ZNF398: variants seen among roughly 807,000 people sequenced by gnomAD.
The protein encoded by ZNF398 is zinc finger protein 398.
A neutral mutation model predicts 41.9 loss-of-function variants in ZNF398; 18 were observed. That is an observed-to-expected ratio of 0.43 (90% confidence interval 0.30 to 0.64). The LOEUF (loss-of-function observed/expected upper bound fraction) is 0.64. Among genes scored for constraint, ZNF398 ranks in the 30% least tolerant of loss-of-function variants. The probability of loss-of-function intolerance (pLI) is 0.14; values close to 1 mark genes in which losing one functional copy is unlikely to be tolerated. For missense variants in ZNF398, 669 were observed against 822.8 expected (o/e 0.81, Z 2.29); for synonymous variants, 260 against 308.8 (o/e 0.84, Z 1.66).
intron 2 of ZNF398, among the ~76,000 whole-genome samples, chr7:149,129,632 G>A (rs1288575172): frequency 2.0e-5 from 3 of 151,996 alleles, no homozygotes; most frequent in Admixed American, 2.0e-4. Context: ...CACCCACCTC[G>A]GCCTCCCAAA....
intron 4 of ZNF398, among the ~76,000 whole-genome samples, chr7:149,171,965 G>A (rs1354055790): frequency 2.0e-5 from 3 of 152,168 alleles, no homozygotes; most frequent in Non-Finnish European, 2.9e-5. Flanking sequence ...CACCATGCTC[G>A]ACAGTGGCCT....
rs1052458759 is a variant in ZNF398, at chr7:149,178,890, G to A, written c.1018G>A (p.Glu340Lys). ...CTATCCCCTCCCACCTCCAGTTGGCGAGCAGGTGTTCTCATGCCACCACTG... is the reference window on the plus strand; with the variant it reads ...CTATCCCCTCCCACCTCCAGTTGGCAAGCAGGTGTTCTCATGCCACCACTG... ...GSYPLPPPVG[E>K]QVFSCHHCGK... Residue 340 changes from glutamate to lysine, a missense_variant, in exon 6 of 6, where the codon GAG becomes AAG. By Grantham distance (56) the Glu-to-Lys change is moderately conservative (BLOSUM62 1). Coordinates refer to ENST00000475153, the MANE Select transcript of ZNF398 (RefSeq NM_170686.3). The A allele has an allele frequency of 6.2e-6, 10 of 1,614,098 alleles. No individual in the cohort carries two copies. The highest frequency in any genetic ancestry group is 4.4e-5 in the South Asian group (4 of 91,080).
At chr7:149,171,311 T>C (rs1795338441) in intron 4 of ZNF398, among the ~76,000 whole-genome samples, 1 of 152,042 alleles carries the variant, frequency 6.6e-6, no homozygotes, top group African/African-American at 2.4e-5. Flanking sequence ...ATTGTACATA[T>C]ATACAAAAAT....
intron 2 of ZNF398, among the ~76,000 whole-genome samples, chr7:149,140,329 A>C (rs1234300570): frequency 6.6e-6 from 1 of 152,146 alleles, no homozygotes; most frequent in African/African-American, 2.4e-5. Flanking sequence ...AACATTAGAC[A>C]TAATAATTCT....
intron 4 of ZNF398, among the ~76,000 whole-genome samples, chr7:149,174,838 AC>A (rs1795428248): frequency 6.6e-6 from 1 of 152,134 alleles, no homozygotes; most frequent in Non-Finnish European, 1.5e-5. Flanking sequence ...AAACAAACAA[AC>A]AAACAAAAGT....
chr7:149,169,703 C>T (rs963203584), intron 4 of ZNF398, among the ~76,000 whole-genome samples: 33 of 152,084 alleles, frequency 2.2e-4, no homozygotes, highest in African/African-American at 6.0e-4. Flanking sequence ...TCACCTGCTT[C>T]GGCCTTCCAA....
intron 2 of ZNF398, among the ~76,000 whole-genome samples, chr7:149,155,707 A>ATTTTTTTTTTTTTTTTTTT (rs1359986695): frequency 2.7e-5 from 2 of 73,578 alleles, no homozygotes; most frequent in African/African-American, 1.4e-4. Context: ...ATATATATAT[A>ATTTTTTTTTTTTTTTTTTT]TTTTTTTTTT....
rs375761766 is a variant in ZNF398 at position 149,166,265 on chromosome 7, C to T, written c.528C>T (p.Tyr176=). The part of the protein sequence containing the change: ...ELYKNIMKGN[Y]ESLISMDYAI... Reference sequence around the variant, plus strand: ...ACAAGAATATCATGAAGGGCAACTACGAGTCTCTCATCTCCATGGGTGAGG... The same window carrying T: ...ACAAGAATATCATGAAGGGCAACTATGAGTCTCTCATCTCCATGGGTGAGG... The change falls in exon 3 of 6, where the codon TAC becomes TAT. Residue 176 remains tyrosine, a synonymous_variant. Coordinates refer to ENST00000475153, the MANE Select transcript of ZNF398 (RefSeq NM_170686.3). 13 of 1,614,064 alleles carry T rather than the reference C, an allele frequency of 8.1e-6. No individual in the cohort carries two copies. The highest frequency in any genetic ancestry group is 6.7e-5 in the East Asian group (3 of 44,872).
intron 5 of ZNF398, among the ~76,000 whole-genome samples, chr7:149,177,935 C>T (rs1795495307): frequency 6.7e-6 from 1 of 150,060 alleles, no homozygotes; most frequent in African/African-American, 2.5e-5. Flanking sequence ...GATTACTTGA[C>T]ACCAGGAGTT....
chr7:149,126,440 G>C, exon 1 of ZNF398: 1 of 743,346 alleles, frequency 1.3e-6, no homozygotes, highest in Non-Finnish European at 2.0e-6. Context: ...AGGGGCCCGG[G>C]CACCCTCCGT....
chr7:149,137,097 C>T (rs1193639751), intron 2 of ZNF398, among the ~76,000 whole-genome samples: 1 of 152,054 alleles, frequency 6.6e-6, no homozygotes, highest in Non-Finnish European at 1.5e-5. Context: ...GAACTCCTGA[C>T]CTCAGGTGAT....
At chr7:149,176,337 C>T (rs548004210) in intron 4 of ZNF398, 131 bp from the exon 5 acceptor site, 1 of 639,596 alleles carries the variant, frequency 1.6e-6, no homozygotes, top group Non-Finnish European at 2.8e-6. Context: ...GAGCGAGACT[C>T]TGTCTCAAAA....
chr7:149,172,455 C>T (rs1202458), intron 4 of ZNF398, among the ~76,000 whole-genome samples: 15 of 151,908 alleles, frequency 9.9e-5, no homozygotes, highest in Non-Finnish European at 2.1e-4. Context: ...GCGCTCCCCC[C>T]CTTTTTAAAA....
At chr7:149,171,310 A>G (rs543437014) in intron 4 of ZNF398, among the ~76,000 whole-genome samples, 1 of 152,068 alleles carries the variant, frequency 6.6e-6, no homozygotes, top group African/African-American at 2.4e-5. Context: ...TATTGTACAT[A>G]TATACAAAAA....
intron 1 of ZNF398, chr7:149,151,213 T>G: frequency 8.3e-7 from 1 of 1,207,566 alleles, no homozygotes; most frequent in Non-Finnish European, 1.1e-6. Flanking sequence ...CTAGGCACGC[T>G]TACTAATCTG....
chr7:149,141,066 C>T (rs924137657), intron 2 of ZNF398, among the ~76,000 whole-genome samples: 1 of 148,486 alleles, frequency 6.7e-6, no homozygotes, highest in African/African-American at 2.5e-5. Flanking sequence ...AAAAAAAATC[C>T]CTATTTGGTA....
In ZNF398 at chr7:149,166,873, A is replaced by G. The variant is rs771208538; in HGVS notation, c.604A>G (p.Asn202Asp). The G allele has an allele frequency of 1.9e-5, 30 of 1,613,386 alleles. No homozygotes were observed. The highest frequency in any genetic ancestry group is 2.4e-5 in the Non-Finnish European group (28 of 1,179,478). The change falls in exon 4 of 6, where the codon AAT becomes GAT. Residue 202 changes from asparagine (N) to aspartate (D), a missense_variant. This residue lies in a region of ZNF398 where 290 missense variants were observed against 292.9 expected (regional missense o/e 0.99). Transcript: ENST00000475153. ...TCAGATTCAACCAGAAGGGGAACATAATACAGAGGACCAGGCAGGGCCAGA... is the reference window on the plus strand; with the variant it reads ...TCAGATTCAACCAGAAGGGGAACATGATACAGAGGACCAGGCAGGGCCAGA... ...LSQIQPEGEH[N>D]TEDQAGPEES...
At chr7:149,149,574 A>G (rs1296656793) in intron 1 of ZNF398, among the ~76,000 whole-genome samples, 2 of 152,154 alleles carry the variant, frequency 1.3e-5, no homozygotes, top group Non-Finnish European at 2.9e-5. Context: ...TGGTGGCTCA[A>G]GCCTGTTATC....
At chr7:149,134,808 G>A (rs369981902) in intron 2 of ZNF398, among the ~76,000 whole-genome samples, 4 of 152,046 alleles carry the variant, frequency 2.6e-5, no homozygotes, top group African/African-American at 9.7e-5. Flanking sequence ...TTGGCTCACC[G>A]CAACCTCTGC....
Sources: gnomAD v4.1 joint callset for allele counts (sites outside exome capture counted in the v4.1 genomes callset) on GRCh38, gnomAD v4.1.1 for gene constraint, gnomAD v4.1.1 regional missense constraint, MANE v1.5 for transcripts, NCBI Gene and HGNC (gene_info 2026-07-23, HGNC 2026-07-21) for gene names.